Variants in METTL2A observed in about 807,000 individuals in gnomAD.
The protein encoded by METTL2A is tRNA N(3)-cytidine methyltransferase METTL2A.
In METTL2A, 45 loss-of-function variants were observed where a neutral mutation model predicts 49.4. The observed-to-expected ratio is 0.91, with a 90% CI of 0.72 to 1.17. The LOEUF (loss-of-function observed/expected upper bound fraction) is 1.17, where lower values mean the gene tolerates loss of function less well. METTL2A is among the 50% of genes most tolerant of loss of function. The pLI is 0.00. For missense variants in METTL2A, 361 were observed against 462.2 expected (o/e 0.78, Z 2.01); for synonymous variants, 118 against 167.5 (o/e 0.70, Z 2.28).
rs902585352 is a variant in METTL2A, at chr17:62,434,866, G to A, written c.609-366G>A. 23 of 287,542 alleles carry A rather than the reference G, an allele frequency of 8.0e-5. No individual in the cohort carries two copies. In the East Asian group the frequency reaches 1.7e-3, roughly 21 times the overall value. The allele number at this position is 287,542 out of a possible 1,614,324, so 17.8% of individuals were successfully genotyped here. A position where few individuals can be genotyped will look rare whatever the true frequency, so the allele number is the denominator to read the frequency against. On this transcript the variant is annotated intron_variant, in intron 4 of 8. Transcript: ENST00000311506. The stretch of plus-strand genomic sequence containing the variant: ...TGGGGGCCAACAGACAGGTACAGAT[G>A]TGTTCCTGGTGTGGAGAAAGTGCCA...
intron 4 of METTL2A, among the ~76,000 whole-genome samples, chr17:62,430,016 G>A (rs1258395346): frequency 6.6e-6 from 1 of 152,142 alleles, no homozygotes; most frequent in South Asian, 2.1e-4. Flanking sequence ...TTCCAGTTCT[G>A]TATGCATTAC....
chr17:62,433,414 CA>C (rs1181704086), intron 4 of METTL2A, among the ~76,000 whole-genome samples: 1 of 149,576 alleles, frequency 6.7e-6, no homozygotes, highest in East Asian at 2.0e-4. Flanking sequence ...GCGTGGGTGA[CA>C]AAAGCAAAAC....
intron 7 of METTL2A, among the ~76,000 whole-genome samples, chr17:62,447,451 G>A (rs1349912176): frequency 6.6e-6 from 1 of 152,114 alleles, no homozygotes; most frequent in Non-Finnish European, 1.5e-5. Flanking sequence ...AGTTTGTGCT[G>A]TTAATTTAAT....
chr17:62,444,083 A>G (rs117675583), intron 6 of METTL2A, among the ~76,000 whole-genome samples: 1 of 152,242 alleles, frequency 6.6e-6, no homozygotes, highest in Non-Finnish European at 1.5e-5. Context: ...TCTTGAGGAC[A>G]AGTCTTCATT....
At chr17:62,440,475 G>C (rs2070731563) in intron 5 of METTL2A, 142 bp from the exon 6 acceptor site, 1 of 1,204,998 alleles carries the variant, frequency 8.3e-7, no homozygotes, top group East Asian at 2.6e-5. Context: ...GGGAGATTTT[G>C]CCTCAAGAAA....
chr17:62,440,250 C>G (rs562409170), intron 5 of METTL2A, among the ~76,000 whole-genome samples: 1 of 152,252 alleles, frequency 6.6e-6, no homozygotes, highest in South Asian at 2.1e-4. Flanking sequence ...GCCTCGAACT[C>G]CTGATCTTAG....
intron 3 of METTL2A, 150 bp from the exon 4 acceptor site, chr17:62,427,638 A>C (rs1598029820): frequency 7.6e-7 from 1 of 1,317,936 alleles, no homozygotes; most frequent in African/African-American, 1.5e-5. Flanking sequence ...AAAATCAACA[A>C]ATGTCATGAG....
At chr17:62,442,779 A>G (rs992730606) in intron 6 of METTL2A, among the ~76,000 whole-genome samples, 4 of 152,232 alleles carry the variant, frequency 2.6e-5, no homozygotes, top group Non-Finnish European at 5.9e-5. Context: ...GTGTCATCAG[A>G]GTCCTGCAAA....
intron 2 of METTL2A, among the ~76,000 whole-genome samples, chr17:62,426,000 C>CA (rs1315462000): frequency 0.01 from 790 of 75,812 alleles, 3 homozygotes; most frequent in African/African-American, 0.025. Context: ...GACTCTGTCT[C>CA]AAAAAAAAAA....
At chr17:62,440,520 G>A (rs2070731836) in intron 5 of METTL2A, 97 bp from the exon 6 acceptor site, 1 of 1,470,706 alleles carries the variant, frequency 6.8e-7, no homozygotes, top group Middle Eastern at 1.8e-4. Flanking sequence ...TCTTTGTGAA[G>A]TAGCAACAGT....
intron 6 of METTL2A, among the ~76,000 whole-genome samples, 167 bp from the exon 7 acceptor site, chr17:62,444,670 G>A (rs1240293063): frequency 6.6e-6 from 1 of 152,178 alleles, no homozygotes; most frequent in Non-Finnish European, 1.5e-5. Context: ...CTGTGAGCAG[G>A]CAGCTAATGT....
At chr17:62,446,275 G>T (rs1014731762) in intron 7 of METTL2A, among the ~76,000 whole-genome samples, 15 of 151,480 alleles carry the variant, frequency 9.9e-5, no homozygotes, top group African/African-American at 3.2e-4. Context: ...CTCCCAAAAT[G>T]CTGGGATTAC....
intron 4 of METTL2A, 29 bp from the exon 5 acceptor site, chr17:62,435,203 C>T (rs770869501): frequency 1.2e-6 from 2 of 1,613,930 alleles, no homozygotes; most frequent in South Asian, 1.1e-5. Flanking sequence ...TTTGTAGTCT[C>T]ATTGTTCTGT....
At chr17:62,453,372 ACTGTCTCAACTATGAGT>A (rs1403163043) in exon 9 of METTL2A, among the ~76,000 whole-genome samples, 1 of 152,090 alleles carries the variant, frequency 6.6e-6, no homozygotes, top group African/African-American at 2.4e-5. Context: ...AAAAATAAAT[ACTGTCTCAACTATGAGT>A]CTGGCTCTGA....
At chr17:62,425,389 CTTT>C (rs746253160) in intron 2 of METTL2A, among the ~76,000 whole-genome samples, 2 of 78,218 alleles carry the variant, frequency 2.6e-5, no homozygotes, top group Admixed American at 1.9e-4. Flanking sequence ...ACTGTCCATA[CTTT>C]TTTTTTTTTT....
Position 62,426,596 on chromosome 17 carries a change from A to G in METTL2A, c.500A>G (p.Asp167Gly), listed in dbSNP as rs2070629621. 10 of 1,550,208 alleles carry G rather than the reference A, an allele frequency of 6.5e-6. No homozygotes were observed. The highest frequency in any genetic ancestry group is 4.6e-5 in the East Asian group (2 of 43,872). The change falls in exon 3 of 9, where the codon GAC becomes GGC. Residue 167 changes from aspartate to glycine, a missense_variant. This residue lies in a region of METTL2A where 28 missense variants were observed against 75.6 expected (regional missense o/e 0.37). Coordinates refer to ENST00000311506, the MANE Select transcript of METTL2A (RefSeq NM_181725.4). Reference sequence around the variant, plus strand: ...GAGAATGTAACTCAGAAAATTAGTGACCTGGAAATTTGTGCTGATGAGTTT... The same window carrying G: ...GAGAATGTAACTCAGAAAATTAGTGGCCTGGAAATTTGTGCTGATGAGTTT... The part of the protein sequence containing the change: ...VEENVTQKIS[D>G]LEICADEFPG...
intron 8 of METTL2A, 119 bp from the exon 9 acceptor site, chr17:62,448,456 T>C: frequency 6.7e-7 from 1 of 1,500,886 alleles, no homozygotes; most frequent in Non-Finnish European, 8.9e-7. Flanking sequence ...TATAACCAAA[T>C]GGCCATGTAA....
chr17:62,447,887 G>A (rs1044057535), intron 8 of METTL2A, 121 bp downstream of exon 8: 47 of 1,552,044 alleles, frequency 3.0e-5, no homozygotes, highest in Admixed American at 5.6e-5. Context: ...TGTTTCCTGC[G>A]GTTCCCTGCT....
chr17:62,448,463 G>A, intron 8 of METTL2A, 112 bp from the exon 9 acceptor site: 3 of 1,507,990 alleles, frequency 2.0e-6, no homozygotes, highest in Non-Finnish European at 2.7e-6. Context: ...AAATGGCCAT[G>A]TAAAAAACAT....
Sources: gnomAD v4.1 joint callset for allele counts (sites outside exome capture counted in the v4.1 genomes callset) on GRCh38, gnomAD v4.1.1 for gene constraint, gnomAD v4.1.1 regional missense constraint, MANE v1.5 for transcripts, NCBI Gene and HGNC (gene_info 2026-07-23, HGNC 2026-07-21) for gene names.